Variants in ABTB2 observed in about 807,000 individuals in gnomAD.
The protein encoded by ABTB2 is ankyrin repeat and BTB/POZ domain-containing protein 2.
Under a neutral mutation model 104.1 loss-of-function variants are expected in ABTB2, and 56 were observed. The observed-to-expected ratio is 0.54, with a 90% confidence interval of 0.43 to 0.67. The LOEUF is 0.67. Ranked by LOEUF, ABTB2 falls within the 30% of genes least tolerant of loss-of-function variation. ABTB2 has a pLI of 0.00. For missense variants in ABTB2, 1,279 were observed against 1,407.7 expected, an observed-to-expected ratio of 0.91 and a Z score of 1.46; for synonymous variants, 606 against 608.2, an observed-to-expected ratio of 1.00 and a Z score of 0.05.
At chr11:34,167,199 C>T (rs938615897) in intron 7 of ABTB2, 60 bp downstream of exon 7, 5 of 1,483,736 alleles carry the variant, frequency 3.4e-6, no homozygotes, top group Non-Finnish European at 4.6e-6. Flanking sequence ...TGGGGCTGTG[C>T]TTGGGGCCCA....
At chr11:34,195,073 G>GGT (rs1554982279) in intron 3 of ABTB2, among the ~76,000 whole-genome samples, 1 of 73,370 alleles carries the variant, frequency 1.4e-5, no homozygotes, top group Admixed American at 1.1e-4. Flanking sequence ...AAAGATGCCC[G>GGT]GCGGGGGGGG....
intron 1 of ABTB2, among the ~76,000 whole-genome samples, chr11:34,210,852 G>T (rs1026912170): frequency 7.9e-5 from 12 of 152,364 alleles, no homozygotes; most frequent in African/African-American, 2.2e-4. Context: ...GGAAGCTTGG[G>T]TGGGGTGCAA....
chr11:34,198,907 C>A (rs1054285839), intron 2 of ABTB2, among the ~76,000 whole-genome samples: 2 of 152,144 alleles, frequency 1.3e-5, no homozygotes, highest in Non-Finnish European at 2.9e-5. Context: ...CTTCAACAGG[C>A]GGGCACGGCT....
At chr11:34,346,273 AT>A (rs35741960) in intron 1 of ABTB2, among the ~76,000 whole-genome samples, 65 of 150,850 alleles carry the variant, frequency 4.3e-4, no homozygotes, top group Non-Finnish European at 7.4e-4. Context: ...AGCATATTTA[AT>A]TTTTTTTTTC....
At chr11:34,279,170 GA>G (rs1554921922) in intron 1 of ABTB2, among the ~76,000 whole-genome samples, 1 of 152,206 alleles carries the variant, frequency 6.6e-6, no homozygotes, top group Non-Finnish European at 1.5e-5. Flanking sequence ...GAGTGAGATA[GA>G]ATGAGCATTA....
chr11:34,311,058 C>A (rs1349696555), intron 1 of ABTB2, among the ~76,000 whole-genome samples: 1 of 152,212 alleles, frequency 6.6e-6, no homozygotes, highest in Non-Finnish European at 1.5e-5. Context: ...AGCCTGACCC[C>A]TTCCACTGCC....
chr11:34,277,929 C>G (rs1035239606), intron 1 of ABTB2, among the ~76,000 whole-genome samples: 1 of 150,902 alleles, frequency 6.6e-6, no homozygotes, highest in Non-Finnish European at 1.5e-5. Context: ...CTCAGCCTCC[C>G]AAGTAGCTGG....
intron 1 of ABTB2, among the ~76,000 whole-genome samples, chr11:34,334,939 T>C (rs1855176147): frequency 6.6e-6 from 1 of 152,212 alleles, no homozygotes; most frequent in South Asian, 2.1e-4. Context: ...TATTCAATGA[T>C]ATGAATAATG....
At chr11:34,299,915 C>T (rs1487817897) in intron 1 of ABTB2, among the ~76,000 whole-genome samples, 1 of 152,216 alleles carries the variant, frequency 6.6e-6, no homozygotes, top group African/African-American at 2.4e-5. Flanking sequence ...CCAGTTTCAT[C>T]TCCGTAAAAT....
At chr11:34,201,380 C>T (rs1339170982) in intron 2 of ABTB2, among the ~76,000 whole-genome samples, 8 of 152,190 alleles carry the variant, frequency 5.3e-5, no homozygotes, top group African/African-American at 2.4e-5. Flanking sequence ...TGGAATTCAA[C>T]ACCGTCTTCA....
chr11:34,214,680 C>T (rs1189238373), intron 1 of ABTB2, among the ~76,000 whole-genome samples: 1 of 151,994 alleles, frequency 6.6e-6, no homozygotes, highest in African/African-American at 2.4e-5. Flanking sequence ...GCTGGGATTA[C>T]AGGTGTGGGC....
At chr11:34,300,949 G>A (rs1238019218) in intron 1 of ABTB2, among the ~76,000 whole-genome samples, 3 of 152,192 alleles carry the variant, frequency 2.0e-5, no homozygotes, top group Non-Finnish European at 4.4e-5. Flanking sequence ...GGGCTGGTGT[G>A]GAGGGCAGAG....
chr11:34,278,231 TTAGA>T (rs1385538085), intron 1 of ABTB2, among the ~76,000 whole-genome samples: 4 of 151,994 alleles, frequency 2.6e-5, no homozygotes, highest in Non-Finnish European at 5.9e-5. Flanking sequence ...TTGGGGATAA[TTAGA>T]TAATCTAGAA....
chr11:34,209,997 A>T (rs1322121114), intron 1 of ABTB2, among the ~76,000 whole-genome samples: 1 of 151,868 alleles, frequency 6.6e-6, no homozygotes, highest in Non-Finnish European at 1.5e-5. Flanking sequence ...GTTAGAAGGG[A>T]AACCCAGTTC....
chr11:34,231,631 C>T (rs907913405), intron 1 of ABTB2, among the ~76,000 whole-genome samples: 23 of 152,102 alleles, frequency 1.5e-4, no homozygotes, highest in African/African-American at 5.1e-4. Context: ...AGTGCAATGG[C>T]GCAATCTCAG....
At chr11:34,170,524 C>T (rs1338546361) in intron 5 of ABTB2, among the ~76,000 whole-genome samples, 1 of 152,182 alleles carries the variant, frequency 6.6e-6, no homozygotes, top group African/African-American at 2.4e-5. Context: ...AATGGTATCT[C>T]CATGAGGACA....
chr11:34,244,811 C>G (rs1274542596), intron 1 of ABTB2, among the ~76,000 whole-genome samples: 3 of 152,082 alleles, frequency 2.0e-5, no homozygotes, highest in African/African-American at 7.2e-5. Context: ...AGTTCGAGAC[C>G]AGCTTGGGTT....
At chr11:34,314,386 G>C (rs375964607) in intron 1 of ABTB2, among the ~76,000 whole-genome samples, 4 of 152,290 alleles carry the variant, frequency 2.6e-5, no homozygotes, top group East Asian at 1.9e-4. Flanking sequence ...TCTTACTAGG[G>C]TATCTGTACT....
chr11:34,326,441 G>A (rs1855071870), intron 1 of ABTB2, among the ~76,000 whole-genome samples: 2 of 152,046 alleles, frequency 1.3e-5, no homozygotes, highest in Non-Finnish European at 2.9e-5. Context: ...TGCCCAACGT[G>A]GTGAGACCCC....
Sources: allele counts gnomAD v4.1 joint callset (sites outside exome capture counted in the v4.1 genomes callset), GRCh38; gene constraint gnomAD v4.1.1; transcripts MANE v1.5; gene names NCBI Gene and HGNC (gene_info 2026-07-23, HGNC 2026-07-21).